KLRD1: variants seen among roughly 807,000 people sequenced by gnomAD.
KLRD1 encodes natural killer cells antigen CD94.
KLRD1 carries 21 observed loss-of-function variants against 22.6 expected under a neutral mutation model. That is an observed-to-expected ratio of 0.93 (90% CI 0.66 to 1.34). The LOEUF (loss-of-function observed/expected upper bound fraction) is 1.34. Ranked by LOEUF, KLRD1 falls within the 40% of genes most tolerant of loss-of-function variation. KLRD1 has a pLI of 0.00. For missense variants in KLRD1, 183 were observed against 208.6 expected (o/e 0.88, Z 0.76); for synonymous variants, 59 against 71.1 (o/e 0.83, Z 0.85).
upstream of KLRD1, among the ~76,000 whole-genome samples, chr12:10,301,249 T>G (rs61308974): frequency 6.6e-6 from 1 of 152,178 alleles, no homozygotes; most frequent in African/African-American, 2.4e-5. Context: ...AAGACTTTTT[T>G]CTTTTTCTGT....
intron 1 of KLRD1, among the ~76,000 whole-genome samples, chr12:10,261,733 T>TA (rs1696874173): frequency 1.3e-5 from 2 of 152,136 alleles, no homozygotes. Context: ...TTCTAATTCT[T>TA]ACTATTTCTG....
At chr12:10,312,206 C>T (rs1306247512) in intron 4 of KLRD1, among the ~76,000 whole-genome samples, 2 of 151,696 alleles carry the variant, frequency 1.3e-5, no homozygotes, top group African/African-American at 2.4e-5. Context: ...ACACCTGCCA[C>T]CAGGCCTGGC....
chr12:10,293,187 G>A lies in KLRD1; in HGVS notation c.-100-14791G>A, dbSNP rs1219086145. Among the ~76,000 whole-genome samples, 7 of 7,926 alleles carry A rather than the reference G, an allele frequency of 8.8e-4. 1 individual carries two copies. Among genetic ancestry groups the A allele is most frequent in the African/African-American group, 2.0e-3 (7 of 3,540 alleles). The allele number at this position is 7,926 out of a possible 152,430, so 5.2% of individuals were successfully genotyped here. A position where few individuals can be genotyped will look rare whatever the true frequency, so the allele number is the denominator to read the frequency against. On this transcript the variant is annotated intron_variant, in intron 1 of 5. Coordinates refer to the KLRD1 transcript ENST00000544747. The stretch of plus-strand genomic sequence containing the variant: ...ATATATACACATATACACATAATTC[G>A]CATGCTCACTGGCATAGCAATTTTG...
chr12:10,294,247 A>G (rs1949802197), intron 1 of KLRD1, among the ~76,000 whole-genome samples: 1 of 152,212 alleles, frequency 6.6e-6, no homozygotes, highest in African/African-American at 2.4e-5. Flanking sequence ...ATGTAAATCC[A>G]TGGTGGACTC....
At chr12:10,268,591 A>G (rs921383126) in intron 1 of KLRD1, among the ~76,000 whole-genome samples, 4 of 152,212 alleles carry the variant, frequency 2.6e-5, no homozygotes, top group Non-Finnish European at 4.4e-5. Flanking sequence ...CATCTGGATA[A>G]GAAAGCGCGT....
At position 10,324,818 on chromosome 12, in the gene KLRD1, GTATATA is replaced by G. The variant is rs1555113906; in HGVS notation, c.*10045_*10050del. 87 of 74,154 alleles carry G rather than the reference GTATATA, an allele frequency of 1.2e-3. 2 individuals are homozygous for G. The South Asian group carries it at 0.024, about 20-fold the overall frequency. 4.6% of individuals were successfully genotyped at this position (74,154 alleles called of 1,614,324 possible). On this transcript the variant is annotated 3_prime_UTR_variant, in exon 6 of 6. Transcript: ENST00000336164. The stretch of plus-strand genomic sequence containing the variant: ...AGTATATATGTATATGTGTGTGTGT[GTATATA>G]TATATATATATATATATATTCATTT...
In KLRD1 at chr12:10,320,120, A is replaced by G. The variant is rs2908449; in HGVS notation, c.*5327A>G. On this transcript the variant is annotated 3_prime_UTR_variant, in exon 6 of 6. Coordinates refer to ENST00000336164, the MANE Select transcript of KLRD1 (RefSeq NM_002262.5). ...TGACCTCAGGTGATCTGCCTACCTC[A>G]CCCTCCCAAAGTGCTGGGATTACAG... is the stretch of plus-strand genomic sequence containing the variant. 0.93 allele frequency: 141,507 copies of G among 151,844 alleles called. 66,724 individuals carry two copies. Among genetic ancestry groups the G allele is most frequent in the South Asian group, 1 (4,815 of 4,818 alleles). 9.4% of individuals were successfully genotyped at this position (151,844 alleles called of 1,614,324 possible).
intron 1 of KLRD1, among the ~76,000 whole-genome samples, chr12:10,247,568 T>A (rs1455327686): frequency 6.6e-6 from 1 of 152,190 alleles, no homozygotes; most frequent in Non-Finnish European, 1.5e-5. Flanking sequence ...TCATATTTTA[T>A]TTTCTTTAAT....
intron 4 of KLRD1, 139 bp downstream of exon 4, chr12:10,311,754 TAC>T: frequency 3.2e-6 from 2 of 624,512 alleles, no homozygotes; most frequent in South Asian, 2.9e-5. Flanking sequence ...CTGTTCTGTG[TAC>T]CTTAAAGTAG....
chr12:10,255,084 CAAAAAA>C (rs1949382420), intron 1 of KLRD1, among the ~76,000 whole-genome samples: 2 of 151,626 alleles, frequency 1.3e-5, no homozygotes. Context: ...ATTAAAAAGT[CAAAAAA>C]TAATAGATGC....
chr12:10,287,735 C>T (rs1949721365), intron 1 of KLRD1, among the ~76,000 whole-genome samples: 1 of 152,122 alleles, frequency 6.6e-6, no homozygotes, highest in African/African-American at 2.4e-5. Flanking sequence ...ACGGGGATAA[C>T]TTAGTTTAAT....
chr12:10,312,935 T>G (rs372630629), intron 4 of KLRD1, among the ~76,000 whole-genome samples: 2 of 151,116 alleles, frequency 1.3e-5, no homozygotes, highest in Non-Finnish European at 3.0e-5. Flanking sequence ...TGCAGTGAGC[T>G]GAGATCGTCC....
chr12:10,323,864 C>CTTTTTTTTTTTTTTT lies in KLRD1; in HGVS notation c.*9072_*9086dup, dbSNP rs3983613. ...TTCCCTTTTATTTCTTATTTCTTTCCTTTTTTTTTTTTTTTGAGACTGAGT... is the reference window on the plus strand; with the variant it reads ...TTCCCTTTTATTTCTTATTTCTTTCCTTTTTTTTTTTTTTTTTTTTTTTTTTTTTTGAGACTGAGT... On this transcript the variant is annotated 3_prime_UTR_variant, in exon 6 of 6. Transcript: ENST00000336164. The CTTTTTTTTTTTTTTT allele has an allele frequency of 9.4e-6, 1 of 106,366 alleles. No homozygotes were observed. Among genetic ancestry groups the CTTTTTTTTTTTTTTT allele is most frequent in the Non-Finnish European group, 1.8e-5 (1 of 54,624 alleles). 6.6% of individuals were successfully genotyped at this position (106,366 alleles called of 1,614,324 possible). A position where few individuals can be genotyped will look rare whatever the true frequency, so the allele number is the denominator to read the frequency against.
At chr12:10,297,144 A>C (rs1210700371) in intron 1 of KLRD1, among the ~76,000 whole-genome samples, 1 of 152,246 alleles carries the variant, frequency 6.6e-6, no homozygotes, top group Non-Finnish European at 1.5e-5. Context: ...TCAAAGGATG[A>C]AAGTGTACCT....
At chr12:10,302,216 G>T (rs1187511930), upstream of KLRD1, among the ~76,000 whole-genome samples, 1 of 152,138 alleles carries the variant, frequency 6.6e-6, no homozygotes, top group African/African-American at 2.4e-5. Flanking sequence ...ACATAAAGTT[G>T]CCATAAACAT....
chr12:10,313,458 A>G lies in KLRD1; in HGVS notation c.364A>G (p.Ser122Gly). ...QQFYWIGLSY[S>G]EEHTAWLWEN... ...ATTTTACTGGATTGGACTCTCTTAC[A>G]GTGAGGAGCACACCGCCTGGTTGTG... Residue 122 changes from serine to glycine, a missense_variant, in exon 5 of 6, where the codon AGT becomes GGT. By Grantham distance (56) the Ser-to-Gly change is moderately conservative (BLOSUM62 0). Coordinates refer to ENST00000336164, the MANE Select transcript of KLRD1 (RefSeq NM_002262.5). 6.2e-7 allele frequency: 1 copy of G among 1,609,440 alleles called. No homozygotes were observed. The highest frequency in any genetic ancestry group is 8.5e-7 in the Non-Finnish European group (1 of 1,177,734).
At chr12:10,291,755 A>G (rs1023666651) in intron 1 of KLRD1, among the ~76,000 whole-genome samples, 1 of 151,968 alleles carries the variant, frequency 6.6e-6, no homozygotes, top group African/African-American at 2.4e-5. Context: ...TAAGCCCTAC[A>G]TGCATTAGGT....
intron 1 of KLRD1, among the ~76,000 whole-genome samples, chr12:10,284,570 T>C (rs1949681718): frequency 6.6e-6 from 1 of 152,220 alleles, no homozygotes; most frequent in Admixed American, 6.5e-5. Context: ...TGCTGGGTTA[T>C]AGCGTGAATC....
chr12:10,240,930 C>T (rs1473761606), intron 1 of KLRD1, among the ~76,000 whole-genome samples: 2 of 152,128 alleles, frequency 1.3e-5, no homozygotes, highest in Non-Finnish European at 2.9e-5. Flanking sequence ...TTGCTGATTG[C>T]ACCTCCGTAT....
Sources: gnomAD v4.1 joint callset for allele counts (sites outside exome capture counted in the v4.1 genomes callset) on GRCh38, gnomAD v4.1.1 for gene constraint, MANE v1.5 for transcripts, NCBI Gene and HGNC (gene_info 2026-07-23, HGNC 2026-07-21) for gene names.